TAFA2: variants seen among roughly 807,000 people sequenced by gnomAD.
TAFA2 encodes the protein TAFA chemokine like family member 2, also known as chemokine-like protein TAFA-2.
TAFA2 carries 7 observed loss-of-function variants against 18.8 expected under a neutral mutation model. The observed-to-expected ratio is 0.37, with a 90% CI of 0.21 to 0.70. TAFA2 has a LOEUF of 0.70. Ranked by LOEUF, TAFA2 falls within the 30% of genes least tolerant of loss-of-function variation. The pLI is 0.53. For missense variants in TAFA2, 122 were observed against 158.1 expected (o/e 0.77, Z 1.23); for synonymous variants, 60 against 54.2 (o/e 1.11, Z -0.47).
intron 2 of TAFA2, among the ~76,000 whole-genome samples, chr12:61,758,723 C>T (rs950417875): frequency 5.3e-5 from 8 of 151,958 alleles, no homozygotes; most frequent in African/African-American, 1.9e-4. Flanking sequence ...TTGCAGAGAA[C>T]ACAGCAGAAT....
chr12:62,042,401 C>CTGTGTGTG (rs147189045), intron 1 of TAFA2, among the ~76,000 whole-genome samples: 13 of 144,002 alleles, frequency 9.0e-5, no homozygotes, highest in South Asian at 4.5e-4. Context: ...GCATTGAAGT[C>CTGTGTGTG]TGTGTGTGTG....
At chr12:61,894,700 G>C (rs563554672) in intron 1 of TAFA2, among the ~76,000 whole-genome samples, 3 of 152,064 alleles carry the variant, frequency 2.0e-5, no homozygotes, top group Non-Finnish European at 2.9e-5. Context: ...GAATTCCCTG[G>C]TTTATTAAAG....
At chr12:62,202,289 G>T (rs2062674529) in intron 1 of TAFA2, among the ~76,000 whole-genome samples, 1 of 149,000 alleles carries the variant, frequency 6.7e-6, no homozygotes, top group African/African-American at 2.5e-5. Flanking sequence ...TTTGGGGTTT[G>T]TTTGCCCTTG....
chr12:62,166,270 T>A (rs1012138867), intron 1 of TAFA2, among the ~76,000 whole-genome samples: 1 of 152,192 alleles, frequency 6.6e-6, no homozygotes, highest in African/African-American at 2.4e-5. Flanking sequence ...CAACATATTC[T>A]TTTGGCAATT....
At chr12:62,132,056 C>T (rs538803631) in intron 1 of TAFA2, among the ~76,000 whole-genome samples, 1 of 140,992 alleles carries the variant, frequency 7.1e-6, no homozygotes, top group Non-Finnish European at 1.5e-5. Context: ...GATGCCTACA[C>T]AAAACTGAAT....
chr12:62,048,229 TCAGGAAACTTACAATCATGG>T (rs72352958), intron 1 of TAFA2, among the ~76,000 whole-genome samples: 54,615 of 151,958 alleles, frequency 0.36, 9,994 homozygotes, highest in African/African-American at 0.41. Context: ...TGGGGAGGTC[TCAGGAAACTTACAATCATGG>T]CAGAAGGTGA....
rs547058833 is a variant in TAFA2 at position 62,166,907 on chromosome 12, T to C, written c.-2+24352A>G. Reference sequence around the variant, plus strand: ...AAACCTTTGATCTCTATTCAAATCATTTCAGCTATTATTTTCTTTGACAAA... The same window carrying C: ...AAACCTTTGATCTCTATTCAAATCACTTCAGCTATTATTTTCTTTGACAAA... On this transcript the variant is annotated intron_variant, in intron 1 of 4. Transcript: ENST00000416284. 2.4e-4 allele frequency among the ~76,000 whole-genome samples: 37 copies of C among 152,318 alleles called. 1 individual carries two copies. The highest frequency in any genetic ancestry group is 8.7e-4 in the African/African-American group (36 of 41,586).
intron 1 of TAFA2, among the ~76,000 whole-genome samples, chr12:61,913,541 A>G (rs1032865871): frequency 3.3e-5 from 5 of 152,196 alleles, no homozygotes; most frequent in African/African-American, 4.8e-5. Context: ...GCCTCAGTCT[A>G]TGGGTCATGT....
At chr12:61,911,064 T>C (rs1876590199) in intron 1 of TAFA2, among the ~76,000 whole-genome samples, 1 of 152,194 alleles carries the variant, frequency 6.6e-6, no homozygotes, top group Non-Finnish European at 1.5e-5. Flanking sequence ...TAATTGGTAT[T>C]TTGTCCTCAC....
intron 1 of TAFA2, among the ~76,000 whole-genome samples, chr12:62,069,386 C>T (rs1882570167): frequency 6.6e-6 from 1 of 152,182 alleles, no homozygotes; most frequent in South Asian, 2.1e-4. Flanking sequence ...CTGCCCTATA[C>T]ACACCACATA....
chr12:61,778,874 G>C (rs1003437271), intron 2 of TAFA2, among the ~76,000 whole-genome samples: 45 of 151,806 alleles, frequency 3.0e-4, no homozygotes, highest in African/African-American at 1.0e-3. Flanking sequence ...ATGTGCTCTA[G>C]AACAAGAAAG....
intron 1 of TAFA2, among the ~76,000 whole-genome samples, chr12:62,136,951 G>T (rs1323887654): frequency 2.6e-5 from 4 of 151,998 alleles, no homozygotes; most frequent in Admixed American, 1.3e-4. Context: ...ATTCCCTGAG[G>T]CTCTCAAGTC....
chr12:62,078,181 C>T (rs1868265405), intron 1 of TAFA2, among the ~76,000 whole-genome samples: 1 of 152,062 alleles, frequency 6.6e-6, no homozygotes, highest in Non-Finnish European at 1.5e-5. Context: ...ACAAGCTGAC[C>T]CAAGTCACGT....
intron 1 of TAFA2, among the ~76,000 whole-genome samples, chr12:61,996,869 C>T (rs920959869): frequency 6.6e-6 from 1 of 152,168 alleles, no homozygotes; most frequent in Non-Finnish European, 1.5e-5. Flanking sequence ...ATTTCTGAAT[C>T]CAAAGCATAG....
At chr12:62,187,799 T>A (rs900310248) in intron 1 of TAFA2, among the ~76,000 whole-genome samples, 1 of 152,178 alleles carries the variant, frequency 6.6e-6, no homozygotes, top group East Asian at 1.9e-4. Flanking sequence ...CACCTGTCAA[T>A]CTCCTGTTTC....
Position 61,899,825 on chromosome 12 carries a change from T to A in TAFA2, c.-1-32399A>T, listed in dbSNP as rs188572586. Among the ~76,000 whole-genome samples the A allele has an allele frequency of 2.6e-5, 4 of 152,318 alleles. No homozygotes were observed. The East Asian group carries it at 7.7e-4, about 29-fold the overall frequency. On this transcript the variant is annotated intron_variant, in intron 1 of 4. Coordinates refer to ENST00000416284, the MANE Select transcript of TAFA2 (RefSeq NM_178539.5). ...TCTCTAAACAATACAGTATCACAAC[T>A]ATTTATGTAGCGTTCATATTCTATT...
chr12:61,962,669 T>C (rs1321908949), intron 1 of TAFA2, among the ~76,000 whole-genome samples: 2 of 152,058 alleles, frequency 1.3e-5, no homozygotes, highest in East Asian at 3.9e-4. Flanking sequence ...TGCATATCTT[T>C]TTACATTTCT....
At chr12:61,791,324 C>T (rs1273585250) in intron 2 of TAFA2, among the ~76,000 whole-genome samples, 3 of 151,650 alleles carry the variant, frequency 2.0e-5, no homozygotes, top group Non-Finnish European at 4.4e-5. Context: ...ACCTAAAAAG[C>T]ACAGGCAACA....
intron 1 of TAFA2, among the ~76,000 whole-genome samples, chr12:61,910,149 G>C (rs1425281312): frequency 6.6e-6 from 1 of 150,694 alleles, no homozygotes; most frequent in Non-Finnish European, 1.5e-5. Flanking sequence ...GGGGGCTGCA[G>C]GTTATGCTAA....
Sources: allele counts gnomAD v4.1 joint callset (sites outside exome capture counted in the v4.1 genomes callset), GRCh38; gene constraint gnomAD v4.1.1; transcripts MANE v1.5; gene names NCBI Gene and HGNC (gene_info 2026-07-23, HGNC 2026-07-21).